Variants in ADCY9 observed in about 807,000 individuals in gnomAD.
ADCY9 encodes the protein adenylate cyclase 9, also known as adenylate cyclase type 9.
In ADCY9, 50 loss-of-function variants were observed where a neutral mutation model predicts 101.5. The observed-to-expected ratio is 0.49, with a 90% CI of 0.39 to 0.62. ADCY9 has a LOEUF of 0.62. Ranked by LOEUF, ADCY9 falls within the 20% of genes least tolerant of loss-of-function variation. ADCY9 has a pLI of 0.00. For missense variants in ADCY9, 1,662 were observed against 1,800.4 expected, an observed-to-expected ratio of 0.92 and a Z score of 1.39; for synonymous variants, 905 against 769.3, an observed-to-expected ratio of 1.18 and a Z score of -2.92.
intron 2 of ADCY9, among the ~76,000 whole-genome samples, chr16:4,029,621 C>T (rs1008420808): frequency 2.0e-5 from 3 of 152,082 alleles, no homozygotes; most frequent in African/African-American, 4.8e-5. Context: ...GTGGCACGTG[C>T]CTGTAATCCC....
Position 3,983,387 on chromosome 16 carries a change from G to A in ADCY9, c.2364C>T (p.Leu788=), listed in dbSNP as rs1344337013. The part of the protein sequence containing the change: ...KTFASPTFSS[L]LDVFLSTTVF... The stretch of plus-strand genomic sequence containing the variant: ...CTGTGGTCGACAGAAACACATCCAG[G>A]AGGGAGCTGAAGGTGGGACTAGCAA... Residue 788 remains leucine, a synonymous_variant, in exon 7 of 11, where the codon CTC becomes CTT. Transcript: ENST00000294016. 2 of 1,608,530 alleles carry A rather than the reference G, an allele frequency of 1.2e-6. No individual in the cohort carries two copies. The highest frequency in any genetic ancestry group is 1.7e-6 in the Non-Finnish European group (2 of 1,177,120).
intron 2 of ADCY9, among the ~76,000 whole-genome samples, chr16:4,018,970 T>TGTGTGTGTGTGTGTGTGTGTG (rs1555509543): frequency 1.5e-4 from 23 of 149,364 alleles, no homozygotes; most frequent in African/African-American, 2.0e-4. Flanking sequence ...TGTGTGTGTG[T>TGTGTGTGTGTGTGTGTGTGTG]TTTGTTTTGT....
intron 2 of ADCY9, among the ~76,000 whole-genome samples, chr16:4,036,682 G>A (rs1480698155): frequency 6.6e-6 from 1 of 151,878 alleles, no homozygotes; most frequent in Admixed American, 6.6e-5. Flanking sequence ...GGCTGGTCTC[G>A]AACTCCTGAC....
intron 2 of ADCY9, among the ~76,000 whole-genome samples, chr16:4,017,117 C>G (rs1347144594): frequency 7.2e-6 from 1 of 138,306 alleles, no homozygotes; most frequent in African/African-American, 2.5e-5. Flanking sequence ...TGAGCTATGA[C>G]TGTGTCACTA....
chr16:3,989,866 G>A (rs1228940804), intron 5 of ADCY9, among the ~76,000 whole-genome samples: 1 of 152,136 alleles, frequency 6.6e-6, no homozygotes, highest in Non-Finnish European at 1.5e-5. Context: ...GACAGTAATT[G>A]CCACCGTAAA....
At chr16:4,109,360 T>C (rs982577634) in intron 2 of ADCY9, among the ~76,000 whole-genome samples, 2 of 152,162 alleles carry the variant, frequency 1.3e-5, no homozygotes, top group African/African-American at 2.4e-5. Flanking sequence ...GACTTAAAAA[T>C]TCTTGTCCCC....
At chr16:4,016,445 G>A (rs1204785992) in intron 2 of ADCY9, among the ~76,000 whole-genome samples, 1 of 152,126 alleles carries the variant, frequency 6.6e-6, no homozygotes, top group South Asian at 2.1e-4. Flanking sequence ...GATAGGTCAC[G>A]TCGGCAGAGG....
At chr16:4,051,612 C>T (rs1026251017) in intron 2 of ADCY9, among the ~76,000 whole-genome samples, 5 of 151,924 alleles carry the variant, frequency 3.3e-5, no homozygotes, top group Non-Finnish European at 7.4e-5. Flanking sequence ...CTTGGAGGCG[C>T]TGCTTTTGGC....
chr16:4,085,970 C>G (rs1031823371), intron 2 of ADCY9, among the ~76,000 whole-genome samples: 116 of 151,510 alleles, frequency 7.7e-4, no homozygotes, highest in African/African-American at 2.7e-3. Context: ...AAAAAAAAAA[C>G]AACACTCGCT....
At chr16:4,088,094 T>G (rs1354344827) in intron 2 of ADCY9, among the ~76,000 whole-genome samples, 3 of 151,742 alleles carry the variant, frequency 2.0e-5, no homozygotes, top group Non-Finnish European at 2.9e-5. Flanking sequence ...TAATGAGGCC[T>G]CACAGATACC....
rs1204091731 is a variant in ADCY9 at position 3,977,576 on chromosome 16, A to T, written c.2734T>A (p.Phe912Ile). 6.2e-7 allele frequency: 1 copy of T among 1,611,706 alleles called. No homozygotes were observed. The highest frequency in any genetic ancestry group is 1.7e-5 in the Admixed American group (1 of 59,804). ...CTCATCCAGGAGCTGAGCTGGCAGA[A>T]GTTACAGTAGTGCACGACGGCAATC... ...ALIAVVHYCN[F>I]CQLSSWMRSS... Residue 912 changes from phenylalanine to isoleucine, a missense_variant, in exon 9 of 11, where the codon TTC becomes ATC. Around this residue, in one of 5 missense-constraint regions of ADCY9, gnomAD observed 624 missense variants for 639.1 expected, o/e 0.98. Transcript: ENST00000294016.
At chr16:3,979,538 C>CGCTCGCCTAACAGAACACGTGAGAGT (rs1392626507) in intron 7 of ADCY9, among the ~76,000 whole-genome samples, 2 of 152,226 alleles carry the variant, frequency 1.3e-5, no homozygotes, top group Non-Finnish European at 2.9e-5. Context: ...GCACATGCTT[C>CGCTCGCCTAACAGAACACGTGAGAGT]GCTCGCCTAA....
At chr16:4,026,516 T>A (rs1025994871) in intron 2 of ADCY9, among the ~76,000 whole-genome samples, 1 of 152,036 alleles carries the variant, frequency 6.6e-6, no homozygotes, top group African/African-American at 2.4e-5. Flanking sequence ...AATCAAACCT[T>A]ATGTTTACAA....
At chr16:4,064,403 C>T (rs943666458) in intron 2 of ADCY9, among the ~76,000 whole-genome samples, 8 of 152,120 alleles carry the variant, frequency 5.3e-5, no homozygotes, top group Non-Finnish European at 8.8e-5. Flanking sequence ...AGCTGGGTAA[C>T]GTGTACCTGA....
chr16:4,075,955 C>T (rs1055637291), intron 2 of ADCY9, among the ~76,000 whole-genome samples: 5 of 152,320 alleles, frequency 3.3e-5, no homozygotes, highest in Admixed American at 6.5e-5. Context: ...AAATGCATCG[C>T]TGTTATTTCT....
rs1236173644 is a variant in ADCY9 at position 4,115,960 on chromosome 16, C to T, written c.-314G>A. The T allele has an allele frequency of 2.1e-5, 5 of 239,530 alleles. No homozygotes were observed. In the Admixed American group the frequency reaches 4.5e-4, roughly 21 times the overall value. The allele number at this position is 239,530 out of a possible 1,614,324, so 14.8% of individuals were successfully genotyped here. The stretch of plus-strand genomic sequence containing the variant: ...GCGCTCCGATGCGTCAAAGGCGGCG[C>T]GCGGCCGGCCCCGGGCCCGGACCCC... On this transcript the variant is annotated 5_prime_UTR_variant, in exon 1 of 11. Coordinates refer to ENST00000294016, the MANE Select transcript of ADCY9 (RefSeq NM_001116.4). The surrounding 1 kb of genome is among the most constrained non-coding windows in gnomAD (Gnocchi z 6.2).
At chr16:4,018,970 T>TGTGTGTGTG (rs1555509543) in intron 2 of ADCY9, among the ~76,000 whole-genome samples, 110 of 149,496 alleles carry the variant, frequency 7.4e-4, no homozygotes, top group African/African-American at 2.4e-3. Context: ...TGTGTGTGTG[T>TGTGTGTGTG]TTTGTTTTGT....
At chr16:3,967,696 C>CTT (rs35803770) in intron 10 of ADCY9, among the ~76,000 whole-genome samples, 2,215 of 129,570 alleles carry the variant, frequency 0.017, 63 homozygotes, top group African/African-American at 0.042. Flanking sequence ...GGCCTAACAT[C>CTT]TTTTTTTTTT....
chr16:3,990,500 T>C (rs2056235537), intron 5 of ADCY9, among the ~76,000 whole-genome samples: 1 of 151,038 alleles, frequency 6.6e-6, no homozygotes, highest in African/African-American at 2.4e-5. Context: ...AGGTGAAATA[T>C]GTCAAGTGCC....
Sources: gnomAD v4.1 joint callset for allele counts (sites outside exome capture counted in the v4.1 genomes callset) on GRCh38, gnomAD v4.1.1 for gene constraint, gnomAD v4.1.1 regional missense constraint, Gnocchi (gnomAD v3.1) non-coding constraint, MANE v1.5 for transcripts, NCBI Gene and HGNC (gene_info 2026-07-23, HGNC 2026-07-21) for gene names.